FAF2: variants seen among roughly 807,000 people sequenced by gnomAD.
FAF2 encodes the protein Fas associated factor family member 2.
In FAF2, 9 loss-of-function variants were observed where a neutral mutation model predicts 62.3. That is an observed-to-expected ratio of 0.14 (90% CI 0.09 to 0.25). The LOEUF (loss-of-function observed/expected upper bound fraction) is 0.25. Ranked by LOEUF, FAF2 falls within the 10% of genes least tolerant of loss-of-function variation. The pLI is 1.00. For missense variants in FAF2, 368 were observed against 556.2 expected (o/e 0.66, Z 3.40); for synonymous variants, 202 against 198.0 (o/e 1.02, Z -0.17).
intron 1 of FAF2, among the ~76,000 whole-genome samples, chr5:176,462,074 C>T (rs1481686091): frequency 6.6e-6 from 1 of 152,028 alleles, no homozygotes; most frequent in African/African-American, 2.4e-5. Context: ...GTCAGGAATT[C>T]GAGACCAGCC....
chr5:176,495,481 T>C (rs1759043559), intron 7 of FAF2, among the ~76,000 whole-genome samples: 2 of 151,462 alleles, frequency 1.3e-5, no homozygotes, highest in Admixed American at 6.6e-5. Context: ...AACTCTGTTA[T>C]GGTAAAAATC....
At chr5:176,470,777 C>T (rs968841239) in intron 1 of FAF2, among the ~76,000 whole-genome samples, 4 of 152,178 alleles carry the variant, frequency 2.6e-5, no homozygotes, top group East Asian at 1.9e-4. Flanking sequence ...CACTGGAAAA[C>T]GATCCTGCTG....
rs535868915 is a variant in FAF2 at position 176,450,413 on chromosome 5, CAT to C, written c.63+1944_63+1945del. 2.4e-3 allele frequency among the ~76,000 whole-genome samples: 363 copies of C among 152,248 alleles called. 4 individuals carry two copies. The highest frequency in any genetic ancestry group is 8.2e-3 in the African/African-American group (342 of 41,544). ...TTAGAACTCTTCAGGGGTAAGCTAA[CAT>C]GTGGTTTAAGTGCAATGAAGTAATG... On this transcript the variant is annotated intron_variant, in intron 1 of 10. Coordinates refer to ENST00000261942, the MANE Select transcript of FAF2 (RefSeq NM_014613.3).
Position 176,482,984 on chromosome 5 carries a change from CCT to C in FAF2, c.133-3369_133-3368del, listed in dbSNP as rs1393894011. ...TGACCTTGTGATCCGCCCGCCTCGG[CCT>C]CCCAAAGTGCTGGGATTACAGGTGT... On this transcript the variant is annotated intron_variant, in intron 2 of 10. Transcript: ENST00000261942. Among the ~76,000 whole-genome samples the C allele has an allele frequency of 1.3e-3, 201 of 152,228 alleles. 1 individual carries two copies. The highest frequency in any genetic ancestry group is 4.5e-3 in the African/African-American group (189 of 41,554).
chr5:176,486,319 T>A, intron 2 of FAF2, 36 bp from the exon 3 acceptor site: 1 of 1,608,356 alleles, frequency 6.2e-7, no homozygotes, highest in Non-Finnish European at 8.5e-7. Flanking sequence ...GATTTGAGCA[T>A]CGCTGAAACT....
intron 1 of FAF2, among the ~76,000 whole-genome samples, chr5:176,474,640 TC>T (rs369626651): frequency 6.6e-6 from 1 of 152,242 alleles, no homozygotes; most frequent in African/African-American, 2.4e-5. Context: ...ATGTTGGCCT[TC>T]TGCCTGGAAT....
chr5:176,480,906 A>G (rs1758775031), intron 2 of FAF2, among the ~76,000 whole-genome samples: 1 of 152,060 alleles, frequency 6.6e-6, no homozygotes, highest in Non-Finnish European at 1.5e-5. Flanking sequence ...GTGTATACCT[A>G]TGTAACAAAC....
Position 176,496,591 on chromosome 5 carries a change from A to T in FAF2, c.767A>T (p.Asp256Val). The T allele has an allele frequency of 6.2e-7, 1 of 1,612,806 alleles. No individual in the cohort carries two copies. Among genetic ancestry groups the T allele is most frequent in the Non-Finnish European group, 8.5e-7 (1 of 1,179,394 alleles). Reference protein sequence around the residue: ...VGRLEGLIQPDDLINQLTFIM... With the variant: ...VGRLEGLIQPVDLINQLTFIM... ...CGGCTAGAAGGCCTCATTCAACCTG[A>T]TGACCTCATTAACCAACTGACATTT... The change falls in exon 8 of 11, where the codon GAT (aspartate) becomes GTT (valine). Residue 256 changes from aspartate (D) to valine (V), a missense_variant. Coordinates refer to ENST00000261942, the MANE Select transcript of FAF2 (RefSeq NM_014613.3).
intron 9 of FAF2, among the ~76,000 whole-genome samples, chr5:176,499,641 C>G (rs1342885028): frequency 6.6e-6 from 1 of 151,084 alleles, no homozygotes; most frequent in Non-Finnish European, 1.5e-5. Flanking sequence ...GAGACAGGGT[C>G]TCACTGTGTT....
At chr5:176,485,604 G>T (rs2113736714) in intron 2 of FAF2, among the ~76,000 whole-genome samples, 1 of 152,290 alleles carries the variant, frequency 6.6e-6, no homozygotes, top group South Asian at 2.1e-4. Context: ...CTGAATATCA[G>T]TAGTCTGACA....
chr5:176,506,548 G>A (rs903341175), intron 10 of FAF2, among the ~76,000 whole-genome samples: 1 of 152,232 alleles, frequency 6.6e-6, no homozygotes, highest in Non-Finnish European at 1.5e-5. Flanking sequence ...AGTAGGACTA[G>A]TGTTGGGCTT....
chr5:176,451,880 ATATATATATATATTTTTTTTTTT>A (rs1561813637), intron 1 of FAF2, among the ~76,000 whole-genome samples: 1 of 22,644 alleles, frequency 4.4e-5, no homozygotes, highest in Non-Finnish European at 7.7e-5. Context: ...ACACACATAT[ATATATATATATATTTTTTTTTTT>A]TTTTTTTTTT....
At chr5:176,467,769 A>G (rs1464447656) in intron 1 of FAF2, among the ~76,000 whole-genome samples, 1 of 152,242 alleles carries the variant, frequency 6.6e-6, no homozygotes, top group Non-Finnish European at 1.5e-5. Context: ...CAAGATAGCA[A>G]TATCTGTCTT....
chr5:176,457,438 G>A (rs980455281), intron 1 of FAF2, among the ~76,000 whole-genome samples: 6 of 152,018 alleles, frequency 3.9e-5, no homozygotes, highest in Non-Finnish European at 7.4e-5. Context: ...TGATCCACCT[G>A]CCACAGCCTC....
intron 10 of FAF2, among the ~76,000 whole-genome samples, chr5:176,502,178 A>G (rs952777314): frequency 1.3e-5 from 2 of 152,192 alleles, no homozygotes; most frequent in African/African-American, 4.8e-5. Context: ...TTTCTTAACT[A>G]TGGGTTTGTG....
chr5:176,494,197 G>A lies in FAF2; in HGVS notation c.583G>A (p.Ala195Thr), dbSNP rs1759022736. 1.2e-6 allele frequency: 2 copies of A among 1,613,962 alleles called. No individual in the cohort carries two copies. Among genetic ancestry groups the A allele is most frequent in the Non-Finnish European group, 1.7e-6 (2 of 1,179,992 alleles). ...ACCTTTCCACAGCAACACACTCTGT[G>A]CACCTGAAGTTATTTCACTAATAAA... ...SDEFCRNTLCAPEVISLINTR... is the reference protein window; with the variant it reads ...SDEFCRNTLCTPEVISLINTR... The change falls in exon 7 of 11, where the codon GCA becomes ACA. Residue 195 changes from alanine (A) to threonine (T), a missense_variant. This residue lies in a region of FAF2 where 331 missense variants were observed against 441.9 expected (regional missense o/e 0.75). Coordinates refer to ENST00000261942, the MANE Select transcript of FAF2 (RefSeq NM_014613.3). This position sits in a 1 kb window ranked among gnomAD's most constrained non-coding sequence, Gnocchi z 4.0.
intron 1 of FAF2, among the ~76,000 whole-genome samples, chr5:176,470,534 G>A (rs988507950): frequency 1.8e-4 from 28 of 152,242 alleles, no homozygotes; most frequent in Non-Finnish European, 3.2e-4. Flanking sequence ...CCAAGATCGC[G>A]CCATCGCGCT....
Position 176,488,483 on chromosome 5 carries a change from G to A in FAF2, c.268-468G>A, listed in dbSNP as rs192265457. ...TGCCCCCAGGCTGGAGTTCAGTGGC[G>A]CGATCTCAGCTCACTGCAACCTCCG... On this transcript the variant is annotated intron_variant, in intron 3 of 10. Transcript: ENST00000261942. Among the ~76,000 whole-genome samples, 314 of 152,098 alleles carry A rather than the reference G, an allele frequency of 2.1e-3. 5 individuals carry two copies. Among genetic ancestry groups the A allele is most frequent in the African/African-American group, 7.3e-3 (303 of 41,492 alleles).
chr5:176,472,790 T>G (rs1758598072), intron 1 of FAF2, among the ~76,000 whole-genome samples: 1 of 151,868 alleles, frequency 6.6e-6, no homozygotes, highest in South Asian at 2.1e-4. Flanking sequence ...ATGGTTCTTA[T>G]ACAGGTAAAA....
Sources: allele counts gnomAD v4.1 joint callset (sites outside exome capture counted in the v4.1 genomes callset), GRCh38; gene constraint gnomAD v4.1.1; regional missense constraint gnomAD v4.1.1; non-coding constraint Gnocchi (gnomAD v3.1); transcripts MANE v1.5; gene names NCBI Gene and HGNC (gene_info 2026-07-23, HGNC 2026-07-21).